CASD1: variants seen among roughly 807,000 people sequenced by gnomAD.
The protein encoded by CASD1 is CAS1 domain sialic acid O acetyltransferase 1.
A neutral mutation model predicts 100.0 loss-of-function variants in CASD1; 41 were observed. The ratio of observed to expected loss-of-function variants is 0.41; its 90% CI spans 0.32 to 0.53. The LOEUF is 0.53. CASD1 is among the 20% of genes least tolerant of loss of function. The pLI is 0.25. For missense variants in CASD1, 774 were observed against 948.7 expected, an observed-to-expected ratio of 0.82 and a Z score of 2.42; for synonymous variants, 321 against 315.6, an observed-to-expected ratio of 1.02 and a Z score of -0.18.
chr7:94,543,363 G>A (rs1340345157), intron 10 of CASD1, among the ~76,000 whole-genome samples: 3 of 152,116 alleles, frequency 2.0e-5, no homozygotes, highest in Non-Finnish European at 4.4e-5. Context: ...ACTTTAAAAA[G>A]CAGTGTATGG....
intron 9 of CASD1, 69 bp downstream of exon 9, chr7:94,537,963 T>G: frequency 2.3e-6 from 2 of 855,456 alleles, no homozygotes; most frequent in Non-Finnish European, 1.8e-6. Context: ...GTTAAAGAAC[T>G]AATATCATTT....
At chr7:94,614,883 A>G in the CASD1 span, among the ~76,000 whole-genome samples, 11 of 152,356 alleles carry the variant, frequency 7.2e-5, no homozygotes, top group East Asian at 1.7e-3. Flanking sequence ...AGAAAAAATG[A>G]TAGAACTCAG....
At chr7:94,566,066 C>G in the CASD1 span, among the ~76,000 whole-genome samples, 2 of 152,118 alleles carry the variant, frequency 1.3e-5, no homozygotes, top group South Asian at 4.2e-4. Flanking sequence ...GATCAGCAGC[C>G]CAGGGAGAGC....
chr7:94,529,444 G>T (rs1562938120), intron 5 of CASD1, among the ~76,000 whole-genome samples: 3 of 152,134 alleles, frequency 2.0e-5, no homozygotes, highest in African/African-American at 7.2e-5. Flanking sequence ...CATTATGGTT[G>T]TTGAGAAAAA....
At chr7:94,591,922 G>A in the CASD1 span, among the ~76,000 whole-genome samples, 1 of 152,126 alleles carries the variant, frequency 6.6e-6, no homozygotes, top group Non-Finnish European at 1.5e-5. Flanking sequence ...TGTTCTAAGT[G>A]GTTGTGTTTG....
chr7:94,553,374 G>A (rs1227474995), intron 16 of CASD1, among the ~76,000 whole-genome samples: 1 of 152,078 alleles, frequency 6.6e-6, no homozygotes, highest in African/African-American at 2.4e-5. Context: ...ATTTAAACTT[G>A]AGTCTTTTTG....
chr7:94,550,511 A>T (rs1795895958), intron 14 of CASD1, among the ~76,000 whole-genome samples: 2 of 152,146 alleles, frequency 1.3e-5, no homozygotes, highest in Admixed American at 1.3e-4. Context: ...AGTACCATAG[A>T]TTGGGTGGTT....
At chr7:94,588,590 T>C in the CASD1 span, 2 of 1,553,154 alleles carry the variant, frequency 1.3e-6, no homozygotes, top group Non-Finnish European at 1.7e-6. Context: ...TTTGCCTTAT[T>C]TGGTGAAGAT....
At chr7:94,631,565 T>C in the CASD1 span, among the ~76,000 whole-genome samples, 2 of 151,770 alleles carry the variant, frequency 1.3e-5, no homozygotes, top group Non-Finnish European at 2.9e-5. Flanking sequence ...AATACTACAG[T>C]AGTAGGATTC....
intron 3 of CASD1, 68 bp from the exon 4 acceptor site, chr7:94,527,094 C>G: frequency 8.5e-7 from 1 of 1,178,050 alleles, no homozygotes; most frequent in Non-Finnish European, 1.2e-6. Context: ...ATCAAAGCAG[C>G]TAAATGGGGC....
At chr7:94,514,582 AGTTTGTTTTT>A (rs1255236867) in intron 1 of CASD1, among the ~76,000 whole-genome samples, 2 of 152,024 alleles carry the variant, frequency 1.3e-5, no homozygotes, top group African/African-American at 4.8e-5. Context: ...TTTATTTTTC[AGTTTGTTTTT>A]GTTTGTTTGC....
intron 3 of CASD1, among the ~76,000 whole-genome samples, chr7:94,526,295 T>C (rs1387453614): frequency 6.6e-6 from 1 of 152,224 alleles, no homozygotes; most frequent in African/African-American, 2.4e-5. Context: ...TACTACCTTC[T>C]AGAGTACCTT....
chr7:94,604,919 A>G, the CASD1 span, among the ~76,000 whole-genome samples: 2 of 143,940 alleles, frequency 1.4e-5, no homozygotes, highest in African/African-American at 5.1e-5. Context: ...CGTCCTACCT[A>G]AGAAGGCAAA....
At chr7:94,514,526 G>A (rs1349555654) in intron 1 of CASD1, among the ~76,000 whole-genome samples, 1 of 152,166 alleles carries the variant, frequency 6.6e-6, no homozygotes, top group Non-Finnish European at 1.5e-5. Context: ...GAAAACATAA[G>A]TTGGGGTTTA....
chr7:94,554,331 A>G (rs1202505500), intron 16 of CASD1, 152 bp from the exon 17 acceptor site: 1 of 534,712 alleles, frequency 1.9e-6, no homozygotes, highest in African/African-American at 1.9e-5. Flanking sequence ...AACAAAAATA[A>G]CTTTCTAATA....
chr7:94,540,134 G>A (rs896040975), intron 10 of CASD1, among the ~76,000 whole-genome samples: 29 of 152,170 alleles, frequency 1.9e-4, no homozygotes, highest in Admixed American at 2.0e-4. Context: ...CTACATTACA[G>A]TTACAACAAA....
chr7:94,624,190 T>C, the CASD1 span: 1 of 395,286 alleles, frequency 2.5e-6, no homozygotes. Context: ...CAAATGATTG[T>C]GTCAAAATCT....
the CASD1 span, chr7:94,599,072 C>A: frequency 1.3e-6 from 1 of 761,538 alleles, no homozygotes; most frequent in Non-Finnish European, 2.1e-6. Context: ...AATAATAAGA[C>A]ATTATGGCAC....
At chr7:94,600,026 A>G in the CASD1 span, 2 of 284,950 alleles carry the variant, frequency 7.0e-6, no homozygotes, top group Non-Finnish European at 1.3e-5. Context: ...AGAATTTGTT[A>G]CTTGCTGCTT....
Sources: gnomAD v4.1 joint callset for allele counts (sites outside exome capture counted in the v4.1 genomes callset) on GRCh38, gnomAD v4.1.1 for gene constraint, MANE v1.5 for transcripts, NCBI Gene and HGNC (gene_info 2026-07-23, HGNC 2026-07-21) for gene names.